SV2C: variants seen among roughly 807,000 people sequenced by gnomAD.
SV2C encodes the protein synaptic vesicle glycoprotein 2C, also known as solute carrier family 22 member B3.
Under a neutral mutation model 79.7 loss-of-function variants are expected in SV2C, and 49 were observed. That is an observed-to-expected ratio of 0.61 (90% confidence interval 0.49 to 0.78). The LOEUF (loss-of-function observed/expected upper bound fraction) is 0.78. Ranked by LOEUF, SV2C falls within the 30% of genes least tolerant of loss-of-function variation. The probability of loss-of-function intolerance (pLI) is 0.00; values close to 1 mark genes in which losing one functional copy is unlikely to be tolerated. For missense variants in SV2C, 833 were observed against 912.9 expected, an observed-to-expected ratio of 0.91 and a Z score of 1.13; for synonymous variants, 334 against 333.2, an observed-to-expected ratio of 1.00 and a Z score of -0.03.
At chr5:75,897,954 TAAGTAGA>T in the SV2C span, among the ~76,000 whole-genome samples, 2 of 151,784 alleles carry the variant, frequency 1.3e-5, no homozygotes, top group Non-Finnish European at 2.9e-5. Context: ...CTTATCAGTT[TAAGTAGA>T]TTTTGGGCTG....
chr5:76,266,203 T>TTTTTA (rs930242847), intron 4 of SV2C, among the ~76,000 whole-genome samples: 10 of 152,178 alleles, frequency 6.6e-5, no homozygotes, highest in South Asian at 2.1e-4. Context: ...AGTTTATCCT[T>TTTTTA]TTTTATTTTA....
chr5:76,137,329 C>T (rs1373885266), intron 2 of SV2C, among the ~76,000 whole-genome samples: 1 of 152,064 alleles, frequency 6.6e-6, no homozygotes, highest in Non-Finnish European at 1.5e-5. Flanking sequence ...ACAGAGGTGT[C>T]AGAATCGGAA....
Position 76,169,042 on chromosome 5 carries a change from G to C in SV2C, c.581-25877G>C, listed in dbSNP as rs113826650. Among the ~76,000 whole-genome samples, 398 of 152,248 alleles carry C rather than the reference G, an allele frequency of 2.6e-3. 2 individuals are homozygous for C. Among genetic ancestry groups the C allele is most frequent in the African/African-American group, 9.1e-3 (377 of 41,532 alleles). On this transcript the variant is annotated intron_variant, in intron 2 of 12. Coordinates refer to ENST00000502798, the MANE Select transcript of SV2C (RefSeq NM_014979.4). ...TTTAAAGTACTGCTGACTTCTCTGG[G>C]TTCCTGAGTCAGGCAGTTCTACTAC...
intron 12 of SV2C, among the ~76,000 whole-genome samples, chr5:76,309,261 T>A (rs1159930954): frequency 1.3e-5 from 2 of 152,024 alleles, no homozygotes; most frequent in Non-Finnish European, 2.9e-5. Flanking sequence ...GAGAGCTCCC[T>A]CTAATGGCCA....
At chr5:75,936,646 A>T in the SV2C span, among the ~76,000 whole-genome samples, 1 of 152,198 alleles carries the variant, frequency 6.6e-6, no homozygotes, top group East Asian at 1.9e-4. Context: ...GACAGCCATT[A>T]TATGTTATGA....
rs149119749 is a variant in SV2C at position 76,132,093 on chromosome 5, G to C, written c.343G>C (p.Asp115His). 12 of 1,613,404 alleles carry C rather than the reference G, an allele frequency of 7.4e-6. No homozygotes were observed. In the East Asian group the frequency reaches 2.7e-4, roughly 36 times the overall value. The change falls in exon 2 of 13, where the codon GAT becomes CAT. Residue 115 changes from aspartate (D) to histidine (H), a missense_variant. By Grantham distance (81) the Asp-to-His change is moderately conservative. Coordinates refer to ENST00000502798, the MANE Select transcript of SV2C (RefSeq NM_014979.4). Reference protein sequence around the residue: ...SIVSVGQPKGDEYKDRRELES... With the variant: ...SIVSVGQPKGHEYKDRRELES... ...CGTGTCAGTGGGGCAGCCCAAGGGC[G>C]ATGAGTACAAGGACCGGCGGGAGCT... is the stretch of plus-strand genomic sequence containing the variant.
the SV2C span, among the ~76,000 whole-genome samples, chr5:75,854,005 A>C: frequency 1.3e-5 from 2 of 151,936 alleles, no homozygotes; most frequent in African/African-American, 4.8e-5. Context: ...AAAAAAAAAA[A>C]AAAAAACCTC....
chr5:76,247,160 G>T (rs1296574404), intron 4 of SV2C, among the ~76,000 whole-genome samples: 2 of 152,184 alleles, frequency 1.3e-5, no homozygotes, highest in African/African-American at 2.4e-5. Context: ...GGCCAGTGAG[G>T]CGGACACACC....
At chr5:76,015,639 A>G in the SV2C span, among the ~76,000 whole-genome samples, 3 of 152,174 alleles carry the variant, frequency 2.0e-5, no homozygotes, top group Admixed American at 6.5e-5. Flanking sequence ...GTCATTTATC[A>G]TTAGCTTATG....
intron 1 of SV2C, among the ~76,000 whole-genome samples, chr5:76,109,300 T>C (rs1408067127): frequency 6.6e-6 from 1 of 152,198 alleles, no homozygotes; most frequent in Non-Finnish European, 1.5e-5. Flanking sequence ...ATTACAAGAA[T>C]AGTGCCATTT....
intron 1 of SV2C, among the ~76,000 whole-genome samples, chr5:76,124,252 G>C (rs1561225975): frequency 6.6e-6 from 1 of 152,074 alleles, no homozygotes; most frequent in Non-Finnish European, 1.5e-5. Flanking sequence ...GTATCCATCA[G>C]ATGAAAACTC....
chr5:76,128,479 A>T (rs1748780754), intron 1 of SV2C, among the ~76,000 whole-genome samples: 1 of 152,184 alleles, frequency 6.6e-6, no homozygotes, highest in Admixed American at 6.5e-5. Flanking sequence ...CCTCAGTGAG[A>T]CCACTGGGTG....
chr5:76,214,267 C>T (rs1744850715), intron 4 of SV2C, among the ~76,000 whole-genome samples: 1 of 152,130 alleles, frequency 6.6e-6, no homozygotes, highest in African/African-American at 2.4e-5. Flanking sequence ...CCAGCTTTCC[C>T]AACACCATTT....
the SV2C span, among the ~76,000 whole-genome samples, chr5:75,869,981 A>G: frequency 9.9e-5 from 15 of 152,164 alleles, no homozygotes; most frequent in Non-Finnish European, 2.9e-5. Flanking sequence ...GATACAGCCT[A>G]TATTACAACA....
the SV2C span, among the ~76,000 whole-genome samples, chr5:75,869,412 C>A: frequency 6.6e-6 from 1 of 152,280 alleles, no homozygotes; most frequent in East Asian, 1.9e-4. Context: ...CAGGGTGAGG[C>A]TCATCTGCCT....
intron 2 of SV2C, among the ~76,000 whole-genome samples, chr5:76,150,866 C>T (rs1031315957): frequency 3.3e-5 from 5 of 151,438 alleles, no homozygotes; most frequent in Admixed American, 1.3e-4. Context: ...TCTTGAACTC[C>T]GAGCCTCAAG....
At chr5:76,022,498 TCC>T in the SV2C span, among the ~76,000 whole-genome samples, 3 of 152,170 alleles carry the variant, frequency 2.0e-5, no homozygotes, top group African/African-American at 7.2e-5. Context: ...AATATAATCC[TCC>T]CCTGGGAAAC....
intron 4 of SV2C, among the ~76,000 whole-genome samples, chr5:76,214,542 G>A (rs1352858056): frequency 6.6e-6 from 1 of 152,112 alleles, no homozygotes; most frequent in Non-Finnish European, 1.5e-5. Flanking sequence ...TTTTAGGATT[G>A]TTTCTTCTAT....
the SV2C span, among the ~76,000 whole-genome samples, chr5:76,066,246 C>T: frequency 2.0e-5 from 3 of 152,058 alleles, no homozygotes; most frequent in South Asian, 4.1e-4. Flanking sequence ...GGCACATATA[C>T]ACCATGGAAT....
Sources: gnomAD v4.1 joint callset for allele counts (sites outside exome capture counted in the v4.1 genomes callset) on GRCh38, gnomAD v4.1.1 for gene constraint, MANE v1.5 for transcripts, NCBI Gene and HGNC (gene_info 2026-07-23, HGNC 2026-07-21) for gene names.